RABGEF1: variants seen among roughly 807,000 people sequenced by gnomAD.
RABGEF1 encodes rab5 GDP/GTP exchange factor.
Under a neutral mutation model 57.3 loss-of-function variants are expected in RABGEF1, and 26 were observed. The ratio of observed to expected loss-of-function variants is 0.45; its 90% CI spans 0.33 to 0.63. The LOEUF is 0.63. RABGEF1 is among the 20% of genes least tolerant of loss of function. The probability of loss-of-function intolerance (pLI) is 0.02; values close to 1 mark genes in which losing one functional copy is unlikely to be tolerated. For synonymous variants in RABGEF1, 185 were observed against 210.7 expected (o/e 0.88, Z 1.06); for missense variants, 464 against 607.6 (o/e 0.76, Z 2.48).
At chr7:66,786,757 C>CT (rs1390492829) in intron 4 of RABGEF1, among the ~76,000 whole-genome samples, 1 of 152,172 alleles carries the variant, frequency 6.6e-6, no homozygotes, top group African/African-American at 2.4e-5. Flanking sequence ...TTATTTTGCT[C>CT]TTTTTTCTTT....
chr7:66,746,943 G>A (rs892758775), intron 1 of RABGEF1, among the ~76,000 whole-genome samples: 2 of 149,496 alleles, frequency 1.3e-5, no homozygotes, highest in African/African-American at 2.5e-5. Context: ...ACAGGCACGC[G>A]CCACCATGCT....
At chr7:66,771,624 C>T (rs1305282448) in intron 1 of RABGEF1, among the ~76,000 whole-genome samples, 1 of 151,792 alleles carries the variant, frequency 6.6e-6, no homozygotes, top group African/African-American at 2.4e-5. Flanking sequence ...TAATGTGAGT[C>T]CTTTCTTAAT....
intron 1 of RABGEF1, among the ~76,000 whole-genome samples, chr7:66,693,769 A>G (rs1791898664): frequency 6.6e-6 from 1 of 150,692 alleles, no homozygotes; most frequent in African/African-American, 2.4e-5. Flanking sequence ...TTCATTATTC[A>G]TGCATTCTTT....
intron 1 of RABGEF1, among the ~76,000 whole-genome samples, chr7:66,762,273 G>A (rs2129087247): frequency 6.6e-6 from 1 of 152,216 alleles, no homozygotes; most frequent in South Asian, 2.1e-4. Context: ...GGGTAAATAA[G>A]TAAATAAAAA....
chr7:66,741,986 A>AG, intron 1 of RABGEF1, among the ~76,000 whole-genome samples: 1 of 151,824 alleles, frequency 6.6e-6, no homozygotes, highest in East Asian at 1.9e-4. Context: ...AATAAAAAAA[A>AG]AAAAGAAAAA....
intron 1 of RABGEF1, among the ~76,000 whole-genome samples, chr7:66,747,498 T>C (rs1432477549): frequency 6.6e-6 from 1 of 152,216 alleles, no homozygotes; most frequent in Non-Finnish European, 1.5e-5. Context: ...ACAACTGTAA[T>C]TGAATTTATG....
In RABGEF1 at chr7:66,689,944, T is replaced by C. The variant is rs557892863; in HGVS notation, c.-873+7686T>C. On this transcript the variant is annotated intron_variant and NMD_transcript_variant, in intron 1 of 9. Coordinates refer to the RABGEF1 transcript ENST00000607882. ...TACCAGACATTTAAAGGAAAATTAATGCCAGTTTTTTGCAAACTCTTTCAA... is the reference window on the plus strand; with the variant it reads ...TACCAGACATTTAAAGGAAAATTAACGCCAGTTTTTTGCAAACTCTTTCAA... Among the ~76,000 whole-genome samples the C allele has an allele frequency of 2.0e-5, 3 of 152,288 alleles. No individual in the cohort carries two copies. In the South Asian group the frequency reaches 6.2e-4, roughly 32 times the overall value.
chr7:66,664,599 G>A, the RABGEF1 span, among the ~76,000 whole-genome samples: 1 of 152,040 alleles, frequency 6.6e-6, no homozygotes, highest in African/African-American at 2.4e-5. Context: ...ACGAGACCGT[G>A]TCTCTTAAAT....
At chr7:66,785,820 G>C (rs918513436) in intron 4 of RABGEF1, among the ~76,000 whole-genome samples, 2 of 152,046 alleles carry the variant, frequency 1.3e-5, no homozygotes, top group African/African-American at 4.8e-5. Flanking sequence ...CTTGCAGTGA[G>C]CGGAGATTGC....
chr7:66,731,680 G>A (rs1299137449), intron 2 of RABGEF1, among the ~76,000 whole-genome samples: 1 of 152,204 alleles, frequency 6.6e-6, no homozygotes, highest in Non-Finnish European at 1.5e-5. Context: ...TTGTGCCACT[G>A]CACTCCAGCC....
the RABGEF1 span, among the ~76,000 whole-genome samples, chr7:66,664,767 C>A: frequency 6.6e-6 from 1 of 152,238 alleles, no homozygotes; most frequent in South Asian, 2.1e-4. Context: ...CGGCGGCTGC[C>A]GCTTAAGTAG....
chr7:66,808,865 A>G (rs760973240), intron 8 of RABGEF1, 21 bp from the exon 9 acceptor site: 9 of 1,534,562 alleles, frequency 5.9e-6, no homozygotes, highest in Middle Eastern at 1.7e-4. Context: ...ATATGACTGT[A>G]TTAACGTCCT....
intron 1 of RABGEF1, 41 bp from the exon 2 acceptor site, chr7:66,771,842 A>C: frequency 7.5e-7 from 1 of 1,325,260 alleles, no homozygotes; most frequent in Non-Finnish European, 9.9e-7. Flanking sequence ...TATTTAGTAG[A>C]ATGATAATTC....
intron 4 of RABGEF1, among the ~76,000 whole-genome samples, chr7:66,790,341 T>A (rs143357656): frequency 6.6e-6 from 1 of 152,188 alleles, no homozygotes; most frequent in Non-Finnish European, 1.5e-5. Flanking sequence ...GGTCTTTTTT[T>A]CGTCTTTCTT....
chr7:66,776,554 A>G (rs2129126314), intron 3 of RABGEF1, among the ~76,000 whole-genome samples: 1 of 152,292 alleles, frequency 6.6e-6, no homozygotes, highest in Admixed American at 6.5e-5. Context: ...TCATCCAGGC[A>G]CAGTGGCATG....
At chr7:66,684,687 T>A (rs541022399) in intron 1 of RABGEF1, among the ~76,000 whole-genome samples, 2 of 152,230 alleles carry the variant, frequency 1.3e-5, no homozygotes, top group South Asian at 4.1e-4. Context: ...CAGGCTGGAG[T>A]GCAGTGGCCT....
the RABGEF1 span, among the ~76,000 whole-genome samples, chr7:66,670,859 A>G: frequency 1.3e-5 from 2 of 151,034 alleles, no homozygotes; most frequent in Non-Finnish European, 2.9e-5. Flanking sequence ...AAACAAAACA[A>G]AATTTTATTT....
intron 4 of RABGEF1, 145 bp from the exon 5 acceptor site, chr7:66,795,366 C>T: frequency 6.1e-6 from 4 of 651,026 alleles, no homozygotes; most frequent in South Asian, 5.3e-5. Flanking sequence ...ATAGGTTTTA[C>T]TCTCCTGCAG....
At chr7:66,664,404 A>C in the RABGEF1 span, among the ~76,000 whole-genome samples, 1 of 150,180 alleles carries the variant, frequency 6.7e-6, no homozygotes. Context: ...ATATAGCAAG[A>C]CCTCATCTCT....
Sources: allele counts gnomAD v4.1 joint callset (sites outside exome capture counted in the v4.1 genomes callset), GRCh38; gene constraint gnomAD v4.1.1; transcripts MANE v1.5; gene names NCBI Gene and HGNC (gene_info 2026-07-23, HGNC 2026-07-21).